Variants in TMPO observed in about 807,000 individuals in gnomAD.
The protein encoded by TMPO is LEM domain containing 4.
In TMPO, 22 loss-of-function variants were observed where a neutral mutation model predicts 45.4. The observed-to-expected ratio is 0.48, with a 90% CI of 0.35 to 0.69. TMPO has a LOEUF of 0.69. Ranked by LOEUF, TMPO falls within the 30% of genes least tolerant of loss-of-function variation. The probability of loss-of-function intolerance (pLI) is 0.01; values close to 1 mark genes in which losing one functional copy is unlikely to be tolerated. For missense variants in TMPO, 512 were observed against 548.8 expected, an observed-to-expected ratio of 0.93 and a Z score of 0.67; for synonymous variants, 241 against 204.1, an observed-to-expected ratio of 1.18 and a Z score of -1.54.
chr12:98,516,328 G>C, intron 1 of TMPO, 182 bp downstream of exon 1: 7 of 1,226,374 alleles, frequency 5.7e-6, no homozygotes, highest in Non-Finnish European at 7.1e-6. Flanking sequence ...GGAGAGGCCA[G>C]AAGTTGGGGC....
At chr12:98,517,602 T>G (rs554796417) in intron 1 of TMPO, among the ~76,000 whole-genome samples, 2 of 152,376 alleles carry the variant, frequency 1.3e-5, no homozygotes, top group Admixed American at 1.3e-4. Context: ...TAGACACATG[T>G]AAATTTAATT....
At chr12:98,527,350 AC>A (rs144269886) in intron 1 of TMPO, among the ~76,000 whole-genome samples, 1,997 of 139,458 alleles carry the variant, frequency 0.014, 25 homozygotes, top group African/African-American at 0.052. Flanking sequence ...AAAAAAAAAA[AC>A]AAAAAAAAAA....
intron 3 of TMPO, chr12:98,534,722 A>G (rs1460699301): frequency 1.9e-6 from 2 of 1,033,982 alleles, no homozygotes; most frequent in East Asian, 1.7e-4. Flanking sequence ...ACAGAATTAA[A>G]CATTTGTTAC....
intron 1 of TMPO, among the ~76,000 whole-genome samples, chr12:98,517,239 A>G (rs1019966017): frequency 2.0e-5 from 3 of 152,218 alleles, no homozygotes; most frequent in Non-Finnish European, 4.4e-5. Context: ...GTGCATCAGT[A>G]TTGCAATTTG....
chr12:98,544,690 T>G, intron 6 of TMPO, 153 bp downstream of exon 6: 1 of 707,450 alleles, frequency 1.4e-6, no homozygotes, highest in South Asian at 1.9e-5. Flanking sequence ...GTTCTGAATT[T>G]TAGAATTTTC....
In TMPO at chr12:98,544,111, G is replaced by A. The variant is rs546045300; in HGVS notation, c.664-119G>A. 22 of 1,125,014 alleles carry A rather than the reference G, an allele frequency of 2.0e-5. No homozygotes were observed. In the South Asian group the frequency reaches 2.9e-4, roughly 15 times the overall value. 69.7% of individuals were successfully genotyped at this position (1,125,014 alleles called of 1,614,324 possible). ...AGGAATATTTTGAGGACATAGCCTT[G>A]TTTGTAAATGCTGGCATTTGGAGAC... On this transcript the variant is annotated intron_variant, in intron 4 of 8. Coordinates refer to ENST00000556029, the MANE Select transcript of TMPO (RefSeq NM_001032283.3).
At chr12:98,524,616 CAG>C (rs1876625314) in intron 1 of TMPO, among the ~76,000 whole-genome samples, 3 of 151,374 alleles carry the variant, frequency 2.0e-5, no homozygotes, top group Non-Finnish European at 4.4e-5. Context: ...TTTTTTGAGA[CAG>C]AGTCTTGCTC....
Position 98,548,132 on chromosome 12 carries a change from T to C in TMPO, c.*274T>C. On this transcript the variant is annotated 3_prime_UTR_variant, in exon 9 of 9. Transcript: ENST00000556029. ...GCTTTATTTTTTTAATGTGGGCATC[T>C]TATTTCATTTTTGAAAAAATGTATA... The C allele has an allele frequency of 6.3e-6, 2 of 317,668 alleles. No homozygotes were observed. The allele number at this position is 317,668 out of a possible 1,614,324, so 19.7% of individuals were successfully genotyped here.
At chr12:98,543,226 T>G (rs1038325395) in intron 4 of TMPO, among the ~76,000 whole-genome samples, 1 of 152,206 alleles carries the variant, frequency 6.6e-6, no homozygotes, top group Admixed American at 6.5e-5. Flanking sequence ...GGTTAAATAT[T>G]GGCGTGAAAG....
At chr12:98,545,736 T>C (rs1488622387) in intron 7 of TMPO, among the ~76,000 whole-genome samples, 2 of 152,070 alleles carry the variant, frequency 1.3e-5, no homozygotes, top group Non-Finnish European at 2.9e-5. Context: ...AGAAACAGTA[T>C]ACTTTTTTTT....
intron 6 of TMPO, 199 bp from the exon 7 acceptor site, chr12:98,544,752 T>A (rs1179162536): frequency 1.5e-6 from 1 of 649,146 alleles, no homozygotes; most frequent in East Asian, 2.7e-5. Context: ...CAAGAAAGTA[T>A]AAGGATATTT....
At chr12:98,545,202 A>C (rs1159381011) in intron 7 of TMPO, 141 bp downstream of exon 7, 2 of 653,172 alleles carry the variant, frequency 3.1e-6, no homozygotes, top group East Asian at 5.4e-5. Context: ...AATATGCATA[A>C]ATTATTTTAA....
At chr12:98,529,542 C>T (rs758031644) in intron 2 of TMPO, among the ~76,000 whole-genome samples, 1 of 152,032 alleles carries the variant, frequency 6.6e-6, no homozygotes, top group African/African-American at 2.4e-5. Context: ...TAGCAATAAC[C>T]TCAAGATGAG....
At chr12:98,539,704 C>T (rs1279188629) in intron 4 of TMPO, among the ~76,000 whole-genome samples, 1 of 152,192 alleles carries the variant, frequency 6.6e-6, no homozygotes, top group Non-Finnish European at 1.5e-5. Context: ...GAACTCCTGA[C>T]CTCAGGTGAT....
chr12:98,532,441 G>A lies in TMPO; in HGVS notation c.565+603G>A, dbSNP rs543693576. 7.9e-5 allele frequency among the ~76,000 whole-genome samples: 12 copies of A among 152,136 alleles called. 1 individual carries two copies. The South Asian group carries it at 2.5e-3, about 32-fold the overall frequency. On this transcript the variant is annotated intron_variant, in intron 3 of 8. Coordinates refer to ENST00000556029, the MANE Select transcript of TMPO (RefSeq NM_001032283.3). ...TTGATAGGCATTTAAATTGTTCGCA[G>A]TTTTTGTTAATCTGACCTCAGGGCA...
intron 1 of TMPO, among the ~76,000 whole-genome samples, chr12:98,521,505 G>A (rs1387837482): frequency 1.3e-5 from 2 of 152,060 alleles, no homozygotes; most frequent in Non-Finnish European, 2.9e-5. Context: ...ACAAAACTTT[G>A]CATGTTAAAA....
chr12:98,541,142 C>T (rs1877892439), intron 4 of TMPO, among the ~76,000 whole-genome samples: 1 of 152,064 alleles, frequency 6.6e-6, no homozygotes, highest in South Asian at 2.1e-4. Flanking sequence ...TTGATAGTTT[C>T]TTGTTTTCTG....
intron 3 of TMPO, among the ~76,000 whole-genome samples, chr12:98,536,407 G>T (rs1039109361): frequency 6.6e-6 from 1 of 151,788 alleles, no homozygotes; most frequent in Non-Finnish European, 1.5e-5. Flanking sequence ...AAGCTGGAGT[G>T]CAATGGTGTG....
intron 1 of TMPO, among the ~76,000 whole-genome samples, chr12:98,521,673 A>T (rs185890877): frequency 4.9e-4 from 74 of 152,314 alleles, no homozygotes; most frequent in Non-Finnish European, 8.7e-4. Context: ...CAGAGCCTGA[A>T]GGTGTAGCTA....
Sources: allele counts gnomAD v4.1 joint callset (sites outside exome capture counted in the v4.1 genomes callset), GRCh38; gene constraint gnomAD v4.1.1; transcripts MANE v1.5; gene names NCBI Gene and HGNC (gene_info 2026-07-23, HGNC 2026-07-21).